Variants in DLGAP2 observed in about 807,000 individuals in gnomAD.
The protein encoded by DLGAP2 is DLG associated protein 2.
DLGAP2 carries 26 observed loss-of-function variants against 100.3 expected under a neutral mutation model. The ratio of observed to expected loss-of-function variants is 0.26; its 90% CI spans 0.19 to 0.36. The LOEUF is 0.36. Among genes scored for constraint, DLGAP2 ranks in the 10% least tolerant of loss-of-function variants. DLGAP2 has a pLI of 1.00. For synonymous variants in DLGAP2, 886 were observed against 630.1 expected (o/e 1.41, Z -6.08); for missense variants, 1,858 against 1,453.2 (o/e 1.28, Z -4.53).
intron 3 of DLGAP2, among the ~76,000 whole-genome samples, chr8:1,477,884 G>A (rs1419366859): frequency 6.6e-6 from 1 of 152,082 alleles, no homozygotes; most frequent in Non-Finnish European, 1.5e-5. Context: ...CGGGATGGCA[G>A]AGTGACCCTG....
intron 2 of DLGAP2, among the ~76,000 whole-genome samples, chr8:1,048,664 G>T (rs1802586715): frequency 6.6e-6 from 1 of 151,912 alleles, no homozygotes; most frequent in Non-Finnish European, 1.5e-5. Context: ...TGATGTGGGT[G>T]CTGTGATGTT....
chr8:745,638 T>C (rs1820600134), intron 1 of DLGAP2, among the ~76,000 whole-genome samples: 1 of 152,232 alleles, frequency 6.6e-6, no homozygotes, highest in Non-Finnish European at 1.5e-5. Context: ...AAGTGGATGT[T>C]CCCTCCAGTT....
At chr8:933,540 AT>A (rs1563101801) in intron 2 of DLGAP2, among the ~76,000 whole-genome samples, 176 of 105,990 alleles carry the variant, frequency 1.7e-3, no homozygotes, top group African/African-American at 6.5e-3. Context: ...GGCCGTGGGC[AT>A]GAGGGGAGGG....
At chr8:796,505 T>A (rs960599432) in intron 1 of DLGAP2, among the ~76,000 whole-genome samples, 1 of 152,210 alleles carries the variant, frequency 6.6e-6, no homozygotes, top group Non-Finnish European at 1.5e-5. Flanking sequence ...GGGTGTGGCC[T>A]GCTCTGTTCT....
At chr8:837,082 T>C (rs1796892720) in intron 1 of DLGAP2, among the ~76,000 whole-genome samples, 4 of 152,250 alleles carry the variant, frequency 2.6e-5, no homozygotes, top group Admixed American at 6.5e-5. Flanking sequence ...TCCCATCTCC[T>C]GGTCAGGGTT....
intron 1 of DLGAP2, among the ~76,000 whole-genome samples, chr8:754,515 G>T (rs574185775): frequency 1.3e-5 from 2 of 152,332 alleles, no homozygotes; most frequent in Non-Finnish European, 2.9e-5. Flanking sequence ...CTGAAGCTAG[G>T]AATAATATTA....
intron 2 of DLGAP2, among the ~76,000 whole-genome samples, chr8:946,278 T>G (rs1408967673): frequency 6.6e-6 from 1 of 151,716 alleles, no homozygotes; most frequent in East Asian, 1.9e-4. Context: ...GGTTTTTTTT[T>G]TTTTTTTGAC....
chr8:1,669,946 GC>G (rs968304165), intron 10 of DLGAP2, among the ~76,000 whole-genome samples, 162 bp downstream of exon 10: 1 of 152,166 alleles, frequency 6.6e-6, no homozygotes, highest in African/African-American at 2.4e-5. Context: ...AGGACAAGGG[GC>G]TCACCAGGGT....
At chr8:1,011,950 G>C (rs142161376) in intron 2 of DLGAP2, among the ~76,000 whole-genome samples, 2 of 152,346 alleles carry the variant, frequency 1.3e-5, no homozygotes, top group African/African-American at 4.8e-5. Context: ...TGGGCGTGTA[G>C]ACGGATGTCT....
At chr8:1,133,803 T>A (rs10866917) in intron 2 of DLGAP2, among the ~76,000 whole-genome samples, 134,274 of 152,252 alleles carry the variant, frequency 0.88, 59,342 homozygotes, top group Middle Eastern at 0.92. Flanking sequence ...TGAACATCAC[T>A]CAGTTGTTTT....
At chr8:1,481,865 G>C (rs1799108118) in intron 3 of DLGAP2, among the ~76,000 whole-genome samples, 1 of 152,204 alleles carries the variant, frequency 6.6e-6, no homozygotes, top group African/African-American at 2.4e-5. Context: ...CTAAACTCAT[G>C]TCAGGGCACC....
intron 6 of DLGAP2, among the ~76,000 whole-genome samples, chr8:1,603,990 G>C (rs1288076331): frequency 8.6e-5 from 13 of 152,028 alleles, no homozygotes; most frequent in Admixed American, 8.5e-4. Context: ...CACCGCGTCG[G>C]CACCTCTCCT....
chr8:1,138,735 G>A (rs547478476), intron 2 of DLGAP2, among the ~76,000 whole-genome samples: 11 of 152,332 alleles, frequency 7.2e-5, no homozygotes, highest in African/African-American at 2.6e-4. Context: ...TTATTTACTA[G>A]TCCTGGCCTG....
chr8:1,040,321 A>AGCTCGGTGTGCGTGGTCGGCTCG (rs1802299580), intron 2 of DLGAP2, among the ~76,000 whole-genome samples: 1 of 75,712 alleles, frequency 1.3e-5, no homozygotes, highest in South Asian at 4.8e-4. Flanking sequence ...TGGTCGGCTC[A>AGCTCGGTGTGCGTGGTCGGCTCG]GTGTGCGTGG....
chr8:971,227 A>C (rs1156895769), intron 2 of DLGAP2, among the ~76,000 whole-genome samples: 1 of 152,230 alleles, frequency 6.6e-6, no homozygotes, highest in African/African-American at 2.4e-5. Flanking sequence ...CAGAATTCAT[A>C]AAGAACTCTT....
At chr8:805,327 G>T (rs945812744) in intron 1 of DLGAP2, among the ~76,000 whole-genome samples, 1 of 152,156 alleles carries the variant, frequency 6.6e-6, no homozygotes, top group African/African-American at 2.4e-5. Context: ...GTCTAGGGAA[G>T]CCCTTCTGAT....
intron 3 of DLGAP2, among the ~76,000 whole-genome samples, chr8:1,418,269 C>G (rs1010348380): frequency 6.6e-6 from 1 of 152,146 alleles, no homozygotes; most frequent in African/African-American, 2.4e-5. Flanking sequence ...ATAACTAAGT[C>G]ATTTATTAAA....
intron 2 of DLGAP2, among the ~76,000 whole-genome samples, chr8:1,107,686 G>C (rs559465981): frequency 1.1e-4 from 17 of 152,322 alleles, no homozygotes; most frequent in African/African-American, 4.1e-4. Context: ...TCCCTGCTCT[G>C]TCCCAGCAGA....
chr8:1,529,059 A>G (rs4242536), intron 4 of DLGAP2, among the ~76,000 whole-genome samples: 70,019 of 151,878 alleles, frequency 0.46, 16,685 homozygotes, highest in South Asian at 0.69. Flanking sequence ...ACTGCTTTAT[A>G]TAAAGAGCTG....
Sources: allele counts gnomAD v4.1 joint callset (sites outside exome capture counted in the v4.1 genomes callset), GRCh38; gene constraint gnomAD v4.1.1; transcripts MANE v1.5; gene names NCBI Gene and HGNC (gene_info 2026-07-23, HGNC 2026-07-21).